Variants in NDUFS1 observed in about 807,000 individuals in gnomAD.
The protein encoded by NDUFS1 is NADH-ubiquinone oxidoreductase 75 kDa subunit, mitochondrial.
NDUFS1 carries 61 observed loss-of-function variants against 84.4 expected under a neutral mutation model. The ratio of observed to expected loss-of-function variants is 0.72; its 90% CI spans 0.59 to 0.89. NDUFS1 has a LOEUF of 0.89. Ranked by LOEUF, NDUFS1 falls within the 40% of genes least tolerant of loss-of-function variation. The pLI, the probability that NDUFS1 is intolerant of heterozygous loss-of-function variation, is 0.00. For missense variants in NDUFS1, 891 were observed against 890.0 expected (o/e 1.00, Z -0.01); for synonymous variants, 275 against 290.0 (o/e 0.95, Z 0.53).
Position 206,122,859 on chromosome 2 carries a change from C to A in NDUFS1, c.*1326G>T, listed in dbSNP as rs934990101. 1 of 152,084 alleles carries A rather than the reference C, an allele frequency of 6.6e-6. No homozygotes were observed. Among genetic ancestry groups the A allele is most frequent in the East Asian group, 1.9e-4 (1 of 5,162 alleles). The allele number at this position is 152,084 out of a possible 1,614,324, so 9.4% of individuals were successfully genotyped here. A position where few individuals can be genotyped will look rare whatever the true frequency, so the allele number is the denominator to read the frequency against. ...AGGTGATCCTCCCACCTCAGCCTTC[C>A]GAGTAGCTGGGACTATAGGTGTACA... On this transcript the variant is annotated 3_prime_UTR_variant, in exon 19 of 19. Transcript: ENST00000233190.
chr2:206,127,443 G>A (rs897979348), intron 16 of NDUFS1: 7 of 218,390 alleles, frequency 3.2e-5, no homozygotes, highest in Admixed American at 1.6e-4. Flanking sequence ...GCTTGCGCCC[G>A]GGAGGTGGAG....
intron 14 of NDUFS1, among the ~76,000 whole-genome samples, chr2:206,130,778 T>C (rs1292559739): frequency 6.6e-6 from 1 of 152,222 alleles, no homozygotes; most frequent in East Asian, 1.9e-4. Context: ...CTCCATGACA[T>C]AGTATTGAAT....
intron 12 of NDUFS1, among the ~76,000 whole-genome samples, chr2:206,141,316 G>C (rs945005361): frequency 6.6e-6 from 1 of 151,548 alleles, no homozygotes; most frequent in African/African-American, 2.4e-5. Flanking sequence ...AGGCTGAGGC[G>C]GGCGGATCAC....
At chr2:206,129,205 AAACTC>A (rs1691411408) in intron 15 of NDUFS1, among the ~76,000 whole-genome samples, 1 of 152,208 alleles carries the variant, frequency 6.6e-6, no homozygotes, top group Non-Finnish European at 1.5e-5. Flanking sequence ...ACGCATATCA[AAACTC>A]AACAATGATT....
chr2:206,150,358 G>T (rs959629961), intron 3 of NDUFS1, among the ~76,000 whole-genome samples: 9 of 152,114 alleles, frequency 5.9e-5, no homozygotes, highest in Non-Finnish European at 1.2e-4. Flanking sequence ...TGCTACCCAG[G>T]ACTCACCTCC....
chr2:206,142,141 C>G (rs1691987351), intron 11 of NDUFS1, 72 bp from the exon 12 acceptor site: 9 of 1,371,832 alleles, frequency 6.6e-6, no homozygotes, highest in Non-Finnish European at 7.2e-6. Context: ...GAAATATTCT[C>G]CTATCATCAA....
intron 18 of NDUFS1, among the ~76,000 whole-genome samples, chr2:206,125,757 G>A (rs1033424103): frequency 2.6e-5 from 4 of 151,664 alleles, no homozygotes; most frequent in Non-Finnish European, 5.9e-5. Flanking sequence ...TCATCACCGA[G>A]GAATTAAGCC....
chr2:206,155,118 T>C (rs1005110053), intron 1 of NDUFS1, among the ~76,000 whole-genome samples: 15 of 151,514 alleles, frequency 9.9e-5, no homozygotes, highest in African/African-American at 3.6e-4. Context: ...TTATTATTTA[T>C]TTATTTTATT....
intron 1 of NDUFS1, among the ~76,000 whole-genome samples, chr2:206,157,457 A>G (rs1318972929): frequency 6.6e-6 from 1 of 152,170 alleles, no homozygotes; most frequent in East Asian, 1.9e-4. Flanking sequence ...AATAACCACC[A>G]AACAGTCTTA....
intron 8 of NDUFS1, among the ~76,000 whole-genome samples, chr2:206,145,830 G>A (rs1487521508): frequency 6.6e-6 from 1 of 152,150 alleles, no homozygotes; most frequent in Non-Finnish European, 1.5e-5. Flanking sequence ...TTAACTTGGA[G>A]CACGAGGCAA....
rs1031536860 is a variant in NDUFS1 at position 206,147,069 on chromosome 2, C to A, written c.571G>T (p.Gly191Ter). 1 of 1,614,126 alleles carries A rather than the reference C, an allele frequency of 6.2e-7. No individual in the cohort carries two copies. The change falls in exon 8 of 19, where the codon GGA (glycine) becomes TGA (stop). Residue 191 changes from glycine to a stop codon, truncating the protein, a stop_gained. Transcript: ENST00000233190. LOFTEE classifies it high-confidence loss of function. ...CCTGTTGTTCCCAAATCATCTACTCCTGCAATCTCACTTGCAAACCTACAA... is the reference window on the plus strand; with the variant it reads ...CCTGTTGTTCCCAAATCATCTACTCATGCAATCTCACTTGCAAACCTACAA... ...RCIRFASEIA[G>*]VDDLGTTGRG...
At chr2:206,150,936 T>C (rs1256463862) in intron 3 of NDUFS1, among the ~76,000 whole-genome samples, 4 of 152,084 alleles carry the variant, frequency 2.6e-5, no homozygotes, top group Non-Finnish European at 4.4e-5. Flanking sequence ...TAAAGCAATA[T>C]TGGGAAGTTC....
intron 15 of NDUFS1, 37 bp downstream of exon 15, chr2:206,130,051 A>ACT: frequency 6.2e-7 from 1 of 1,608,988 alleles, no homozygotes. Flanking sequence ...ATAATGTACT[A>ACT]CTCTCTTTTG....
chr2:206,150,156 T>C (rs959417719), intron 3 of NDUFS1, among the ~76,000 whole-genome samples: 1 of 152,186 alleles, frequency 6.6e-6, no homozygotes, highest in African/African-American at 2.4e-5. Flanking sequence ...GACTTCACCT[T>C]ATGTGGAAGA....
chr2:206,157,352 A>G (rs1361726805), intron 1 of NDUFS1, among the ~76,000 whole-genome samples: 3 of 152,178 alleles, frequency 2.0e-5, no homozygotes, highest in African/African-American at 7.2e-5. Context: ...GTAGGTTAGT[A>G]ATCAATTTTA....
chr2:206,137,330 C>T (rs984402407), intron 13 of NDUFS1, among the ~76,000 whole-genome samples: 1 of 151,920 alleles, frequency 6.6e-6, no homozygotes, highest in Non-Finnish European at 1.5e-5. Context: ...AAAAATTAGC[C>T]AGGTGTGGTG....
intron 5 of NDUFS1, 22 bp from the exon 6 acceptor site, chr2:206,147,856 T>C (rs1445661374): frequency 1.3e-6 from 2 of 1,589,936 alleles, no homozygotes; most frequent in Non-Finnish European, 1.7e-6. Flanking sequence ...TTGTAACATA[T>C]AAAATGACTC....
chr2:206,153,158 T>C (rs1358911891), intron 2 of NDUFS1, among the ~76,000 whole-genome samples: 2 of 152,122 alleles, frequency 1.3e-5, no homozygotes, highest in Admixed American at 6.6e-5. Flanking sequence ...AGTAAAATTA[T>C]ATTTTGAAAA....
chr2:206,159,364 T>C lies in NDUFS1; in HGVS notation c.-28A>G. The C allele has an allele frequency of 1.7e-6, 1 of 594,524 alleles. No homozygotes were observed. Among genetic ancestry groups the C allele is most frequent in the South Asian group, 2.0e-5 (1 of 49,458 alleles). The allele number at this position is 594,524 out of a possible 1,614,324, so 36.8% of individuals were successfully genotyped here. A position where few individuals can be genotyped will look rare whatever the true frequency, so the allele number is the denominator to read the frequency against. On this transcript the variant is annotated 5_prime_UTR_variant, in exon 1 of 19. Transcript: ENST00000233190. ...ACCTTCTCCCCGGAGCCGCGGAGGC[T>C]GTTCTGCTAAACTGTCTGGACCACG...
Sources: allele counts gnomAD v4.1 joint callset (sites outside exome capture counted in the v4.1 genomes callset), GRCh38; gene constraint gnomAD v4.1.1; transcripts MANE v1.5; gene names NCBI Gene and HGNC (gene_info 2026-07-23, HGNC 2026-07-21).